Variants in SNAP25 observed in about 807,000 individuals in gnomAD.
SNAP25 encodes synaptosomal-associated protein 25.
SNAP25 carries 3 observed loss-of-function variants against 28.7 expected under a neutral mutation model. The ratio of observed to expected loss-of-function variants is 0.10; its 90% CI spans 0.05 to 0.27. The LOEUF is 0.27. Among genes scored for constraint, SNAP25 ranks in the 10% least tolerant of loss-of-function variants. SNAP25 has a pLI of 1.00. For synonymous variants in SNAP25, 61 were observed against 88.1 expected (o/e 0.69, Z 1.72); for missense variants, 117 against 278.7 (o/e 0.42, Z 4.13).
intron 2 of SNAP25, 100 bp from the exon 3 acceptor site, chr20:10,277,585 A>G (rs766504318): frequency 1.5e-5 from 15 of 969,600 alleles, no homozygotes; most frequent in Non-Finnish European, 2.2e-5. Context: ...TGTGACAGAG[A>G]CCCTTTGTGT....
intron 1 of SNAP25, among the ~76,000 whole-genome samples, chr20:10,273,500 G>A (rs2063634266): frequency 6.6e-6 from 1 of 152,192 alleles, no homozygotes; most frequent in East Asian, 1.9e-4. Context: ...TCTCCATGCA[G>A]GGATATGGAG....
chr20:10,277,795 T>C, intron 3 of SNAP25, 69 bp downstream of exon 3: 1 of 1,416,248 alleles, frequency 7.1e-7, no homozygotes, highest in Non-Finnish European at 1.0e-6. Context: ...TCCTAGTTGC[T>C]ATGATGTTTC....
At chr20:10,292,923 C>A in intron 4 of SNAP25, 2 of 1,613,350 alleles carry the variant, frequency 1.2e-6, no homozygotes, top group Non-Finnish European at 1.7e-6. Context: ...CCATATCAAC[C>A]AAGACATGAA....
chr20:10,254,168 A>C (rs530491411), intron 1 of SNAP25, among the ~76,000 whole-genome samples: 1 of 152,288 alleles, frequency 6.6e-6, no homozygotes, highest in African/African-American at 2.4e-5. Context: ...GCAATCTATG[A>C]TTTTACTCAT....
At chr20:10,287,602 G>A (rs888338827) in intron 4 of SNAP25, among the ~76,000 whole-genome samples, 17 of 137,342 alleles carry the variant, frequency 1.2e-4, no homozygotes, top group East Asian at 6.0e-4. Flanking sequence ...TCAGTGTGGC[G>A]ATTCCTCAGG....
Position 10,251,449 on chromosome 20 carries a change from C to T in SNAP25, c.-63-23980C>T, listed in dbSNP as rs140792308. Among the ~76,000 whole-genome samples, 55 of 152,174 alleles carry T rather than the reference C, an allele frequency of 3.6e-4. 1 individual carries two copies. The East Asian group carries it at 0.011, about 29-fold the overall frequency. ...AGAATTTTGAAGGCTGGATGGAAGG[C>T]TGGAAAAGGGTTGAGGGATGATATT... On this transcript the variant is annotated intron_variant, in intron 1 of 7. Transcript: ENST00000254976.
intron 1 of SNAP25, among the ~76,000 whole-genome samples, chr20:10,267,804 C>A (rs2063530021): frequency 6.6e-6 from 1 of 152,218 alleles, no homozygotes; most frequent in South Asian, 2.1e-4. Flanking sequence ...CCCGCCTCGG[C>A]CTCCCAAAGT....
At chr20:10,233,192 A>G (rs2062856226) in intron 1 of SNAP25, among the ~76,000 whole-genome samples, 1 of 152,194 alleles carries the variant, frequency 6.6e-6, no homozygotes, top group African/African-American at 2.4e-5. Flanking sequence ...GTGCACAGAT[A>G]TATGGATGAG....
intron 1 of SNAP25, among the ~76,000 whole-genome samples, chr20:10,238,951 G>A (rs916147430): frequency 7.0e-6 from 1 of 142,022 alleles, no homozygotes; most frequent in Non-Finnish European, 1.5e-5. Flanking sequence ...ATCAATGCTG[G>A]CACCATCTCT....
intron 1 of SNAP25, among the ~76,000 whole-genome samples, chr20:10,267,377 TA>T (rs974816784): frequency 6.6e-6 from 1 of 151,794 alleles, no homozygotes; most frequent in Non-Finnish European, 1.5e-5. Context: ...AAAAAAGAAA[TA>T]AGAATAAAGG....
intron 4 of SNAP25, 118 bp downstream of exon 4, chr20:10,284,890 AGG>A (rs1388400121): frequency 4.9e-5 from 38 of 769,220 alleles, no homozygotes; most frequent in Middle Eastern, 2.9e-4. Flanking sequence ...CACGAATGTG[AGG>A]GTTCTAGATT....
At chr20:10,232,225 A>G (rs1027650364) in intron 1 of SNAP25, among the ~76,000 whole-genome samples, 4 of 152,212 alleles carry the variant, frequency 2.6e-5, no homozygotes, top group Admixed American at 6.5e-5. Context: ...GACTTCCACT[A>G]TGGAAAAGGA....
intron 4 of SNAP25, among the ~76,000 whole-genome samples, chr20:10,292,645 A>G (rs983205498): frequency 6.6e-6 from 1 of 152,170 alleles, no homozygotes; most frequent in Admixed American, 6.5e-5. Context: ...AGAATCAAAC[A>G]GGCCTTCCAC....
chr20:10,270,059 GCCTGACCAAC>G (rs2063567263), intron 1 of SNAP25, among the ~76,000 whole-genome samples: 1 of 152,028 alleles, frequency 6.6e-6, no homozygotes, highest in Admixed American at 6.5e-5. Context: ...TTCGAAACCA[GCCTGACCAAC>G]ATGGAGAAAC....
intron 1 of SNAP25, among the ~76,000 whole-genome samples, chr20:10,274,157 G>C (rs2063646231): frequency 6.6e-6 from 1 of 152,118 alleles, no homozygotes; most frequent in Non-Finnish European, 1.5e-5. Flanking sequence ...AGGAAGGAGG[G>C]CTCTCTCCGG....
intron 1 of SNAP25, among the ~76,000 whole-genome samples, chr20:10,233,916 C>T (rs752471366): frequency 6.6e-5 from 10 of 152,122 alleles, no homozygotes; most frequent in Non-Finnish European, 1.5e-4. Flanking sequence ...ATGGGTGGCT[C>T]TTTTATGTGC....
chr20:10,299,470 GGAAGTGT>G, intron 7 of SNAP25, 58 bp downstream of exon 7: 1 of 1,556,330 alleles, frequency 6.4e-7, no homozygotes, highest in Non-Finnish European at 8.8e-7. Context: ...ATGACCAACA[GGAAGTGT>G]GAAGGGCATA....
intron 1 of SNAP25, among the ~76,000 whole-genome samples, chr20:10,232,434 C>T (rs1320153712): frequency 6.6e-6 from 1 of 152,152 alleles, no homozygotes; most frequent in Non-Finnish European, 1.5e-5. Flanking sequence ...CTTATTTTCT[C>T]CAAAAGGTTG....
chr20:10,291,208 G>T (rs1015725712), intron 4 of SNAP25, among the ~76,000 whole-genome samples: 7 of 152,062 alleles, frequency 4.6e-5, no homozygotes, highest in African/African-American at 1.7e-4. Flanking sequence ...CAAGTAGCTG[G>T]GATTACAGGC....
Sources: gnomAD v4.1 joint callset for allele counts (sites outside exome capture counted in the v4.1 genomes callset) on GRCh38, gnomAD v4.1.1 for gene constraint, MANE v1.5 for transcripts, NCBI Gene and HGNC (gene_info 2026-07-23, HGNC 2026-07-21) for gene names.